The following NAALADL2 variants were observed in gnomAD, a reference collection of about 807,000 sequenced individuals.
NAALADL2 encodes the protein N-acetylated alpha-linked acidic dipeptidase like 2, also known as inactive N-acetylated-alpha-linked acidic dipeptidase-like protein 2.
In NAALADL2, 76 loss-of-function variants were observed where a neutral mutation model predicts 87.2. The observed-to-expected ratio is 0.87, with a 90% CI of 0.72 to 1.05. NAALADL2 has a LOEUF of 1.05. Among genes scored for constraint, NAALADL2 ranks in the 50% least tolerant of loss-of-function variants. The probability of loss-of-function intolerance (pLI) is 0.00; values close to 1 mark genes in which losing one functional copy is unlikely to be tolerated. For synonymous variants in NAALADL2, 354 were observed against 331.0 expected, an observed-to-expected ratio of 1.07 and a Z score of -0.75; for missense variants, 1,089 against 945.8, an observed-to-expected ratio of 1.15 and a Z score of -1.99.
chr3:175,399,347 C>A (rs1770252351), intron 5 of NAALADL2, among the ~76,000 whole-genome samples: 1 of 152,096 alleles, frequency 6.6e-6, no homozygotes, highest in Non-Finnish European at 1.5e-5. Context: ...GAATACCTAA[C>A]TTTCCGGGAA....
At chr3:174,514,106 GT>G (rs922803478) in intron 1 of NAALADL2, among the ~76,000 whole-genome samples, 20 of 148,568 alleles carry the variant, frequency 1.3e-4, no homozygotes, top group African/African-American at 4.7e-4. Flanking sequence ...AATTATCAAT[GT>G]TTTTTTTCTA....
rs144394885 is a variant in NAALADL2 at position 175,304,419 on chromosome 3, C to A, written c.940-19756C>A. On this transcript the variant is annotated intron_variant, in intron 4 of 13. Coordinates refer to ENST00000454872, the MANE Select transcript of NAALADL2 (RefSeq NM_207015.3). ...TGACCTAAATATTCAATAATTGAAA[C>A]CCTGTATGCAAGTCTGGCATGACTC... is the stretch of plus-strand genomic sequence containing the variant. Among the ~76,000 whole-genome samples the A allele has an allele frequency of 2.4e-3, 361 of 152,244 alleles. 3 individuals are homozygous for A. The highest frequency in any genetic ancestry group is 8.4e-3 in the African/African-American group (349 of 41,552).
At chr3:174,749,127 TCCCAA>T (rs565824315) in intron 3 of NAALADL2, among the ~76,000 whole-genome samples, 2,196 of 152,308 alleles carry the variant, frequency 0.014, 17 homozygotes, top group Middle Eastern at 0.02. Context: ...CCATGCCTAA[TCCCAA>T]TTTTCTCTCT....
intron 9 of NAALADL2, among the ~76,000 whole-genome samples, chr3:175,506,802 A>C (rs1730387067): frequency 6.6e-6 from 1 of 152,188 alleles, no homozygotes; most frequent in African/African-American, 2.4e-5. Flanking sequence ...TCTTGTCATA[A>C]AAAATTCTCC....
At position 175,131,755 on chromosome 3, in the gene NAALADL2, G is replaced by T. The variant is rs1349402493; in HGVS notation, c.545+34464G>T. 4.2e-4 allele frequency among the ~76,000 whole-genome samples: 64 copies of T among 150,880 alleles called. 1 individual carries two copies. In the Middle Eastern group the frequency reaches 0.031, roughly 74 times the overall value. On this transcript the variant is annotated intron_variant, in intron 2 of 13. Transcript: ENST00000454872. Reference sequence around the variant, plus strand: ...CGCCCCTCACCCCCCGGACAGGGCGGCTGGCCGGGCAGGGGGCTGACCCCC... The same window carrying T: ...CGCCCCTCACCCCCCGGACAGGGCGTCTGGCCGGGCAGGGGGCTGACCCCC...
chr3:174,903,952 A>AATATCTATATCTATATCTATATCT (rs143384708), intron 1 of NAALADL2, among the ~76,000 whole-genome samples: 156 of 150,498 alleles, frequency 1.0e-3, no homozygotes, highest in African/African-American at 3.7e-3. Context: ...GCCAGAAAGG[A>AATATCTATATCTATATCTATATCT]ATATCTATAT....
intron 2 of NAALADL2, among the ~76,000 whole-genome samples, chr3:174,670,955 G>A (rs1726472736): frequency 6.6e-6 from 1 of 151,922 alleles, no homozygotes; most frequent in Admixed American, 6.6e-5. Flanking sequence ...GTTCTCCTGA[G>A]ATCTGGTGGT....
At chr3:174,741,523 T>C in intron 3 of NAALADL2, among the ~76,000 whole-genome samples, 1 of 151,720 alleles carries the variant, frequency 6.6e-6, no homozygotes, top group Middle Eastern at 3.4e-3. Flanking sequence ...TATATTGTTA[T>C]TTTTTATATT....
At chr3:175,495,798 G>T (rs1345283003) in intron 9 of NAALADL2, among the ~76,000 whole-genome samples, 2 of 151,564 alleles carry the variant, frequency 1.3e-5, no homozygotes, top group African/African-American at 4.9e-5. Flanking sequence ...TATTTTAATT[G>T]TGTCTAAGGA....
chr3:174,849,149 G>T (rs74669149), intron 3 of NAALADL2, among the ~76,000 whole-genome samples: 1,750 of 152,258 alleles, frequency 0.011, 37 homozygotes, highest in African/African-American at 0.041. Flanking sequence ...TGAATGCAAA[G>T]AACTAGGACA....
At chr3:174,743,118 G>A (rs1421413955) in intron 3 of NAALADL2, among the ~76,000 whole-genome samples, 1 of 151,692 alleles carries the variant, frequency 6.6e-6, no homozygotes, top group African/African-American at 2.4e-5. Context: ...TCCTATCAAC[G>A]AAATAAGTTG....
At chr3:174,882,309 T>G (rs1485768654) in intron 1 of NAALADL2, among the ~76,000 whole-genome samples, 1 of 152,024 alleles carries the variant, frequency 6.6e-6, no homozygotes, top group Admixed American at 6.6e-5. Context: ...TTATTTTTCT[T>G]TTTTGACTAA....
chr3:175,305,276 GTA>G (rs1757568183), intron 4 of NAALADL2, among the ~76,000 whole-genome samples: 1 of 139,834 alleles, frequency 7.2e-6, no homozygotes, highest in Non-Finnish European at 1.6e-5. Context: ...GTGTGTATGT[GTA>G]TGTGTGTGTA....
At chr3:174,466,822 A>C (rs1211585637) in intron 1 of NAALADL2, among the ~76,000 whole-genome samples, 1 of 152,124 alleles carries the variant, frequency 6.6e-6, no homozygotes, top group African/African-American at 2.4e-5. Flanking sequence ...TTCATACACG[A>C]GACATTTGTT....
intron 2 of NAALADL2, among the ~76,000 whole-genome samples, chr3:174,700,557 C>T (rs1345716329): frequency 1.3e-5 from 2 of 152,048 alleles, no homozygotes; most frequent in Non-Finnish European, 2.9e-5. Context: ...TAGTACTTGA[C>T]TTTTCATTTA....
intron 1 of NAALADL2, among the ~76,000 whole-genome samples, chr3:174,962,371 C>CATATATATATATATATGACAT (rs1742150115): frequency 1.3e-5 from 1 of 75,744 alleles, no homozygotes; most frequent in African/African-American, 5.3e-5. Context: ...GTGACTATGA[C>CATATATATATATATATGACAT]ATATATATAT....
chr3:175,575,906 TA>T, intron 9 of NAALADL2, 134 bp from the exon 10 acceptor site: 1 of 675,688 alleles, frequency 1.5e-6, no homozygotes, highest in Non-Finnish European at 2.4e-6. Context: ...GTGTGGGGCC[TA>T]AGCATTTGCA....
chr3:175,747,574 T>C (rs1746089012), intron 12 of NAALADL2, among the ~76,000 whole-genome samples: 1 of 152,210 alleles, frequency 6.6e-6, no homozygotes, highest in African/African-American at 2.4e-5. Flanking sequence ...AAAAATACTT[T>C]TAATCTTGGC....
At chr3:174,941,334 C>G (rs1315936787) in intron 1 of NAALADL2, among the ~76,000 whole-genome samples, 2 of 151,672 alleles carry the variant, frequency 1.3e-5, no homozygotes, top group Admixed American at 1.3e-4. Flanking sequence ...TCAGTCTTCT[C>G]TTTTTTTTGC....
Sources: gnomAD v4.1 joint callset for allele counts (sites outside exome capture counted in the v4.1 genomes callset) on GRCh38, gnomAD v4.1.1 for gene constraint, MANE v1.5 for transcripts, NCBI Gene and HGNC (gene_info 2026-07-23, HGNC 2026-07-21) for gene names.